The following ITSN1 variants were observed in gnomAD, a reference collection of about 807,000 sequenced individuals.
ITSN1 encodes intersectin 1.
In ITSN1, 58 loss-of-function variants were observed where a neutral mutation model predicts 239.8. That is an observed-to-expected ratio of 0.24 (90% confidence interval 0.20 to 0.30). The LOEUF (loss-of-function observed/expected upper bound fraction) is 0.30, where lower values mean the gene tolerates loss of function less well. Ranked by LOEUF, ITSN1 falls within the 10% of genes least tolerant of loss-of-function variation. ITSN1 has a pLI of 1.00. For synonymous variants in ITSN1, 780 were observed against 770.8 expected, an observed-to-expected ratio of 1.01 and a Z score of -0.20; for missense variants, 1,558 against 2,103.3, an observed-to-expected ratio of 0.74 and a Z score of 5.07.
At chr21:33,839,541 G>T (rs79328878) in intron 29 of ITSN1, among the ~76,000 whole-genome samples, 5,951 of 152,284 alleles carry the variant, frequency 0.039, 129 homozygotes, top group Middle Eastern at 0.085. Context: ...GGCCACCCCC[G>T]TGTGGAGCAG....
chr21:33,842,401 C>T (rs1320487997), intron 29 of ITSN1, among the ~76,000 whole-genome samples: 1 of 152,154 alleles, frequency 6.6e-6, no homozygotes, highest in African/African-American at 2.4e-5. Context: ...TGAGCATCAG[C>T]TATAAGATAT....
At chr21:33,887,937 GGTTGGGT>G (rs1986044281) in intron 39 of ITSN1, among the ~76,000 whole-genome samples, 1 of 131,120 alleles carries the variant, frequency 7.6e-6, no homozygotes, top group Non-Finnish European at 1.7e-5. Context: ...TAAAGGTTGG[GGTTGGGT>G]TTTTTTTTTT....
intron 12 of ITSN1, among the ~76,000 whole-genome samples, chr21:33,773,827 G>A (rs2069376188): frequency 6.6e-6 from 1 of 152,022 alleles, no homozygotes. Context: ...TTACAGGCGT[G>A]AGCCACCATG....
chr21:33,806,173 T>A (rs1266994317), intron 20 of ITSN1, among the ~76,000 whole-genome samples: 1 of 128,586 alleles, frequency 7.8e-6, no homozygotes, highest in Non-Finnish European at 1.9e-5. Context: ...ATCGCGCCAC[T>A]GCACTCCAGC....
At chr21:33,757,613 A>T (rs1175590894) in intron 8 of ITSN1, among the ~76,000 whole-genome samples, 1 of 152,096 alleles carries the variant, frequency 6.6e-6, no homozygotes, top group East Asian at 1.9e-4. Flanking sequence ...TAGAATGTTG[A>T]TGGAAACAGC....
chr21:33,771,042 A>T lies in ITSN1; in HGVS notation c.1043-1019A>T, dbSNP rs553376198. Among the ~76,000 whole-genome samples, 3 of 152,222 alleles carry T rather than the reference A, an allele frequency of 2.0e-5. No homozygotes were observed. In the East Asian group the frequency reaches 5.8e-4, roughly 29 times the overall value. On this transcript the variant is annotated intron_variant, in intron 11 of 39. Transcript: ENST00000381318. ...CAGCCTCCCAAAGTGCTGGGATTACAGGTGTGAGCCACTGCACCCAGCCAG... is the reference window on the plus strand; with the variant it reads ...CAGCCTCCCAAAGTGCTGGGATTACTGGTGTGAGCCACTGCACCCAGCCAG...
chr21:33,825,812 A>C (rs1434119536), intron 25 of ITSN1, among the ~76,000 whole-genome samples: 1 of 152,246 alleles, frequency 6.6e-6, no homozygotes, highest in Non-Finnish European at 1.5e-5. Flanking sequence ...GCAGAATCAG[A>C]GTAAAAATTT....
chr21:33,739,154 G>A (rs193013971), intron 5 of ITSN1, among the ~76,000 whole-genome samples: 1 of 152,102 alleles, frequency 6.6e-6, no homozygotes, highest in Admixed American at 6.6e-5. Flanking sequence ...ACTGGAGTCT[G>A]AACAATGATT....
intron 1 of ITSN1, among the ~76,000 whole-genome samples, chr21:33,715,329 T>A (rs964442058): frequency 5.3e-5 from 8 of 152,156 alleles, no homozygotes; most frequent in Non-Finnish European, 1.2e-4. Context: ...GTAAAGTAGC[T>A]GGATACAAAG....
chr21:33,690,042 G>T (rs1335747835), intron 1 of ITSN1, among the ~76,000 whole-genome samples: 1 of 151,572 alleles, frequency 6.6e-6, no homozygotes, highest in East Asian at 1.9e-4. Context: ...CTAGCACTTT[G>T]GGAGGCCAAG....
At chr21:33,729,556 T>C (rs2066040109) in intron 4 of ITSN1, among the ~76,000 whole-genome samples, 1 of 151,894 alleles carries the variant, frequency 6.6e-6, no homozygotes, top group Non-Finnish European at 1.5e-5. Context: ...TTTGCTAAAG[T>C]TAAGGACATG....
intron 1 of ITSN1, among the ~76,000 whole-genome samples, chr21:33,651,817 G>C (rs1450135252): frequency 3.9e-5 from 6 of 152,132 alleles, no homozygotes; most frequent in Non-Finnish European, 1.5e-5. Flanking sequence ...TAGTATCAAA[G>C]GGAGGGAAAT....
intron 1 of ITSN1, among the ~76,000 whole-genome samples, chr21:33,693,164 G>A (rs1442625231): frequency 6.6e-6 from 1 of 152,014 alleles, no homozygotes; most frequent in South Asian, 2.1e-4. Flanking sequence ...TGAATCAACT[G>A]TTTTCTAAAT....
intron 2 of ITSN1, 145 bp from the exon 3 acceptor site, chr21:33,721,033 A>G: frequency 1.8e-6 from 1 of 561,488 alleles, no homozygotes; most frequent in Non-Finnish European, 3.2e-6. Context: ...TTATATGCAT[A>G]ACTTCCAAGG....
rs371007021 is a variant in ITSN1, at chr21:33,885,024, G to T, written c.4677-17G>T. 1.9e-6 allele frequency: 3 copies of T among 1,609,148 alleles called. No individual in the cohort carries two copies. The African/African-American group carries it at 4.0e-5, about 22-fold the overall frequency. On this transcript the variant is annotated splice_polypyrimidine_tract_variant and intron_variant, in intron 36 of 39. Transcript: ENST00000381318. ...CTGAGTTTCTGTTTGGCAACTTTCTGTCTTTTTCTGTCCAAGGACTGCCTG... is the reference window on the plus strand; with the variant it reads ...CTGAGTTTCTGTTTGGCAACTTTCTTTCTTTTTCTGTCCAAGGACTGCCTG...
At chr21:33,722,491 A>G in intron 3 of ITSN1, 97 bp from the exon 4 acceptor site, 1 of 1,419,124 alleles carries the variant, frequency 7.0e-7, no homozygotes. Context: ...TAGTATTACC[A>G]GCCTCTTTGT....
At chr21:33,859,585 C>T (rs754262413) in intron 31 of ITSN1, among the ~76,000 whole-genome samples, 1 of 131,196 alleles carries the variant, frequency 7.6e-6, no homozygotes, top group Non-Finnish European at 1.7e-5. Context: ...TTCCTGGGCC[C>T]GAGGATGGAG....
rs1427514508 is a variant in ITSN1 at position 33,775,123 on chromosome 21, C to T, written c.1596+15C>T. The T allele has an allele frequency of 1.3e-6, 2 of 1,598,986 alleles. No individual in the cohort carries two copies. Among genetic ancestry groups the T allele is most frequent in the Admixed American group, 1.8e-5 (1 of 55,982 alleles). Reference sequence around the variant, plus strand: ...AACAATTACAGGTGAGGAAATATGCCTCTTAAAAGCTATTATATTAAACTG... The same window carrying T: ...AACAATTACAGGTGAGGAAATATGCTTCTTAAAAGCTATTATATTAAACTG... On this transcript the variant is annotated intron_variant, in intron 14 of 39. Transcript: ENST00000381318.
intron 16 of ITSN1, among the ~76,000 whole-genome samples, chr21:33,786,041 A>G (rs2070650130): frequency 6.6e-6 from 1 of 152,200 alleles, no homozygotes; most frequent in African/African-American, 2.4e-5. Flanking sequence ...ACCCTGAAAT[A>G]TTGAAGCTCT....
Sources: allele counts gnomAD v4.1 joint callset (sites outside exome capture counted in the v4.1 genomes callset), GRCh38; gene constraint gnomAD v4.1.1; transcripts MANE v1.5; gene names NCBI Gene and HGNC (gene_info 2026-07-23, HGNC 2026-07-21).